Variants in RFX6 observed in about 807,000 individuals in gnomAD.
RFX6 encodes DNA-binding protein RFX6.
Under a neutral mutation model 110.8 loss-of-function variants are expected in RFX6, and 50 were observed. The observed-to-expected ratio is 0.45, with a 90% CI of 0.36 to 0.57. The LOEUF (loss-of-function observed/expected upper bound fraction) is 0.57, where lower values mean the gene tolerates loss of function less well. Ranked by LOEUF, RFX6 falls within the 20% of genes least tolerant of loss-of-function variation. The pLI, the probability that RFX6 is intolerant of heterozygous loss-of-function variation, is 0.00. For missense variants in RFX6, 990 were observed against 1,127.0 expected, an observed-to-expected ratio of 0.88 and a Z score of 1.74; for synonymous variants, 383 against 411.2, an observed-to-expected ratio of 0.93 and a Z score of 0.83.
At chr6:116,880,810 T>A in intron 3 of RFX6, 143 bp downstream of exon 3, 1 of 846,900 alleles carries the variant, frequency 1.2e-6, no homozygotes, top group Non-Finnish European at 1.9e-6. Flanking sequence ...AAGGACTCTG[T>A]TTGGAATTGC....
At chr6:116,927,743 C>CTTTTTT (rs60638457) in intron 17 of RFX6, among the ~76,000 whole-genome samples, 77 of 119,496 alleles carry the variant, frequency 6.4e-4, no homozygotes, top group African/African-American at 1.3e-3. Flanking sequence ...GCCCTTCTTC[C>CTTTTTT]TTTTTTTTTT....
intron 5 of RFX6, 47 bp from the exon 6 acceptor site, chr6:116,895,133 A>G (rs1251718937): frequency 9.8e-7 from 1 of 1,017,924 alleles, no homozygotes; most frequent in Non-Finnish European, 1.6e-6. Flanking sequence ...TGAATGCTAT[A>G]GCTGTAATTT....
intron 6 of RFX6, among the ~76,000 whole-genome samples, chr6:116,896,332 T>C (rs953943436): frequency 2.0e-5 from 3 of 152,180 alleles, no homozygotes; most frequent in Admixed American, 6.5e-5. Context: ...TTACTAAAAT[T>C]AAAATATTCT....
chr6:116,910,825 T>C (rs1775332951), intron 6 of RFX6, 110 bp from the exon 7 acceptor site: 1 of 811,414 alleles, frequency 1.2e-6, no homozygotes, highest in Admixed American at 1.8e-5. Flanking sequence ...TTCTCATGGT[T>C]TGCAGGATGA....
chr6:116,921,190 A>G (rs1005066072), intron 12 of RFX6, among the ~76,000 whole-genome samples: 7 of 152,082 alleles, frequency 4.6e-5, no homozygotes, highest in Non-Finnish European at 1.0e-4. Context: ...TCTCAACTCC[A>G]CTTTTTATTT....
chr6:116,927,193 C>A lies in RFX6; in HGVS notation c.2052C>A (p.Pro684=), dbSNP rs748660257. The A allele has an allele frequency of 1.9e-6, 3 of 1,614,174 alleles. No homozygotes were observed. In the South Asian group the frequency reaches 3.3e-5, roughly 18 times the overall value. The change falls in exon 17 of 19, where the codon CCC becomes CCA. Residue 684 remains proline, a synonymous_variant. Transcript: ENST00000332958. The part of the protein sequence containing the change: ...APSHCSTYPE[P]IYPTLPQANH... ...CACACTGCTCCACATACCCAGAGCC[C>A]ATTTATCCCACTCTCCCTCAAGCCA...
intron 5 of RFX6, among the ~76,000 whole-genome samples, chr6:116,894,662 A>G (rs551654145): frequency 6.7e-6 from 1 of 149,936 alleles, no homozygotes; most frequent in African/African-American, 2.5e-5. Context: ...ACCAGTGATA[A>G]CACATCATTC....
intron 4 of RFX6, among the ~76,000 whole-genome samples, chr6:116,886,657 A>G (rs1224692050): frequency 6.6e-6 from 1 of 152,218 alleles, no homozygotes. Flanking sequence ...TGCATGTGCT[A>G]CTTCTTTCCC....
chr6:116,877,434 C>G lies in RFX6; in HGVS notation c.159C>G (p.Pro53=). 1 of 1,593,498 alleles carries G rather than the reference C, an allele frequency of 6.3e-7. No homozygotes were observed. Among genetic ancestry groups the G allele is most frequent in the Non-Finnish European group, 8.5e-7 (1 of 1,169,698 alleles). ...ETVYLAAEGQ[P]GGEQGGGEKG... is the part of the protein sequence containing the mutation. ...TGTACCTGGCGGCCGAAGGGCAGCC[C>G]GGGGGCGAGCAGGGCGGCGGGGAGA... The change falls in exon 1 of 19, where the codon CCC becomes CCG. Residue 53 remains proline (P), a synonymous_variant. Transcript: ENST00000332958.
intron 18 of RFX6, among the ~76,000 whole-genome samples, chr6:116,930,655 T>G (rs1213358634): frequency 1.3e-5 from 2 of 151,924 alleles, no homozygotes; most frequent in Non-Finnish European, 2.9e-5. Context: ...GAGGCAAAGA[T>G]GTGAAGATCT....
At chr6:116,893,008 G>C (rs1774863737) in intron 4 of RFX6, among the ~76,000 whole-genome samples, 1 of 152,122 alleles carries the variant, frequency 6.6e-6, no homozygotes, top group African/African-American at 2.4e-5. Flanking sequence ...TTTAAACTCA[G>C]ATGGTGGTGC....
At chr6:116,900,746 C>T (rs987949886) in intron 6 of RFX6, among the ~76,000 whole-genome samples, 1 of 151,836 alleles carries the variant, frequency 6.6e-6, no homozygotes, top group Non-Finnish European at 1.5e-5. Context: ...ACCTAAATGA[C>T]TAATATCAAA....
chr6:116,928,186 T>G (rs776108754), intron 17 of RFX6, among the ~76,000 whole-genome samples: 6 of 152,152 alleles, frequency 3.9e-5, no homozygotes, highest in Non-Finnish European at 8.8e-5. Flanking sequence ...TAATATTTCT[T>G]CCTGATAACT....
Position 116,928,775 on chromosome 6 carries a change from C to G in RFX6, c.2415C>G (p.Asn805Lys). The G allele has an allele frequency of 1.2e-6, 2 of 1,612,918 alleles. No individual in the cohort carries two copies. The change falls in exon 18 of 19, where the codon AAC becomes AAG. Residue 805 changes from asparagine to lysine, a missense_variant. By Grantham distance (94) the Asn-to-Lys change is moderately conservative (BLOSUM62 0). Around this residue, in one of 5 missense-constraint regions of RFX6, gnomAD observed 438 missense variants for 441.9 expected, o/e 0.99. Coordinates refer to ENST00000332958, the MANE Select transcript of RFX6 (RefSeq NM_173560.4). ...PNSPNGYYGS[N>K]INYPESHRLG... Reference sequence around the variant, plus strand: ...CTGTTACAGGATACTATGGAAGCAACATAAACTACCCAGAGTCTCACAGGC... The same window carrying G: ...CTGTTACAGGATACTATGGAAGCAAGATAAACTACCCAGAGTCTCACAGGC...
intron 6 of RFX6, among the ~76,000 whole-genome samples, chr6:116,909,190 C>A (rs544569723): frequency 5.3e-5 from 8 of 152,016 alleles, no homozygotes; most frequent in African/African-American, 1.7e-4. Context: ...TAATATCATA[C>A]TGTGTATTAT....
chr6:116,916,358 T>C (rs1775463231), intron 9 of RFX6, 44 bp downstream of exon 9: 1 of 1,094,784 alleles, frequency 9.1e-7, no homozygotes, highest in East Asian at 2.4e-5. Context: ...TTTATTTCTT[T>C]ACGTAGCATT....
At chr6:116,904,214 T>C (rs1298543513) in intron 6 of RFX6, among the ~76,000 whole-genome samples, 1 of 152,110 alleles carries the variant, frequency 6.6e-6, no homozygotes, top group Non-Finnish European at 1.5e-5. Flanking sequence ...TCAGATCATA[T>C]CGTTTTTTAT....
chr6:116,917,953 A>T (rs763668792), intron 9 of RFX6, 84 bp from the exon 10 acceptor site: 1 of 899,448 alleles, frequency 1.1e-6, no homozygotes, highest in Non-Finnish European at 1.8e-6. Context: ...GGAAGCTAGG[A>T]ATAAAAAGTA....
At chr6:116,909,313 A>T (rs1056409903) in intron 6 of RFX6, among the ~76,000 whole-genome samples, 3 of 152,104 alleles carry the variant, frequency 2.0e-5, no homozygotes, top group African/African-American at 7.2e-5. Context: ...AAAAGTGCAA[A>T]CCTTTCTAAA....
Sources: gnomAD v4.1 joint callset for allele counts (sites outside exome capture counted in the v4.1 genomes callset) on GRCh38, gnomAD v4.1.1 for gene constraint, gnomAD v4.1.1 regional missense constraint, MANE v1.5 for transcripts, NCBI Gene and HGNC (gene_info 2026-07-23, HGNC 2026-07-21) for gene names.